ABHD18: variants seen among roughly 807,000 people sequenced by gnomAD.
ABHD18 encodes cardiolipin-specific deacylase, mitochondrial.
Under a neutral mutation model 65.9 loss-of-function variants are expected in ABHD18, and 55 were observed. The observed-to-expected ratio is 0.84, with a 90% confidence interval of 0.67 to 1.05. The LOEUF is 1.05. Among genes scored for constraint, ABHD18 ranks in the 50% least tolerant of loss-of-function variants. The pLI is 0.00. For missense variants in ABHD18, 533 were observed against 558.5 expected, an observed-to-expected ratio of 0.95 and a Z score of 0.46; for synonymous variants, 181 against 180.2, an observed-to-expected ratio of 1.00 and a Z score of -0.04.
intron 7 of ABHD18, among the ~76,000 whole-genome samples, chr4:128,015,879 A>G (rs763550211): frequency 1.3e-5 from 2 of 151,950 alleles, no homozygotes; most frequent in African/African-American, 2.4e-5. Context: ...TGGTCATTTT[A>G]GTAATAATAT....
chr4:127,998,405 A>G (rs963961483), intron 4 of ABHD18, among the ~76,000 whole-genome samples: 1 of 148,598 alleles, frequency 6.7e-6, no homozygotes, highest in Non-Finnish European at 1.5e-5. Flanking sequence ...ACACCCTGCT[A>G]ATTTTTTGTA....
intron 12 of ABHD18, 135 bp from the exon 13 acceptor site, chr4:128,035,627 C>T: frequency 1.8e-6 from 1 of 554,130 alleles, no homozygotes; most frequent in Non-Finnish European, 3.3e-6. Context: ...AGGGTAACTG[C>T]CTATTTCATA....
At chr4:127,976,808 A>C (rs985378482) in intron 1 of ABHD18, among the ~76,000 whole-genome samples, 1 of 152,066 alleles carries the variant, frequency 6.6e-6, no homozygotes, top group Non-Finnish European at 1.5e-5. Context: ...TTGGAAGACC[A>C]AGGCGGGCGG....
At chr4:127,974,857 G>A (rs1192884989) in intron 1 of ABHD18, among the ~76,000 whole-genome samples, 2 of 151,900 alleles carry the variant, frequency 1.3e-5, no homozygotes, top group African/African-American at 2.4e-5. Flanking sequence ...TCAGCTGGGT[G>A]TGGTGGTTGT....
rs768240024 is a variant in ABHD18 at position 127,989,756 on chromosome 4, A to C, written c.213A>C (p.Gly71=). 6.2e-7 allele frequency: 1 copy of C among 1,602,232 alleles called. No homozygotes were observed. Among genetic ancestry groups the C allele is most frequent in the Admixed American group, 1.7e-5 (1 of 58,352 alleles). ...EEQSDCKILD[G]HFVSPMAHYV... Reference sequence around the variant, plus strand: ...AATCAGATTGTAAGATCTTAGATGGACACTTTGTTTCCCCCATGGCTCACT... The same window carrying C: ...AATCAGATTGTAAGATCTTAGATGGCCACTTTGTTTCCCCCATGGCTCACT... Residue 71 remains glycine, a synonymous_variant, in exon 4 of 13, where the codon GGA becomes GGC. Coordinates refer to ENST00000645843, the MANE Select transcript of ABHD18 (RefSeq NM_001358451.3).
intron 7 of ABHD18, among the ~76,000 whole-genome samples, chr4:128,016,959 C>A (rs571326478): frequency 3.3e-5 from 5 of 151,850 alleles, no homozygotes; most frequent in Non-Finnish European, 7.4e-5. Context: ...ATTCTGTTGC[C>A]CAGGCTGGAG....
intron 4 of ABHD18, among the ~76,000 whole-genome samples, chr4:127,996,892 A>T (rs1417245589): frequency 1.3e-5 from 2 of 152,194 alleles, no homozygotes; most frequent in African/African-American, 4.8e-5. Context: ...CCTTATGGTT[A>T]TCTTCCCTTG....
At chr4:128,009,460 T>A (rs565012948) in intron 6 of ABHD18, 1 of 243,358 alleles carries the variant, frequency 4.1e-6, no homozygotes, top group East Asian at 8.6e-5. Context: ...TATTAGTAAG[T>A]CAAATGTTTG....
intron 7 of ABHD18, among the ~76,000 whole-genome samples, chr4:128,016,240 C>T (rs1461982446): frequency 6.6e-6 from 1 of 152,054 alleles, no homozygotes; most frequent in Non-Finnish European, 1.5e-5. Flanking sequence ...GCGTGAGCCA[C>T]TGTGCCCAGC....
rs779395033 is a variant in ABHD18 at position 128,017,444 on chromosome 4, G to C, written c.552G>C (p.Trp184Cys). Residue 184 changes from tryptophan to cysteine, a missense_variant, in exon 8 of 13, where the codon TGG (tryptophan) becomes TGC (cysteine). By Grantham distance (215) the Trp-to-Cys change is radical. This residue lies in a region of ABHD18 where 309 missense variants were observed against 313.5 expected (regional missense o/e 0.99). Transcript: ENST00000645843. ...LVLESAALLH[W>C]LEREGYGPLG... Reference sequence around the variant, plus strand: ...TAGAATCTGCAGCTCTCTTGCACTGGCTAGAGAGGGAAGGTTACGGCCCTT... The same window carrying C: ...TAGAATCTGCAGCTCTCTTGCACTGCCTAGAGAGGGAAGGTTACGGCCCTT... The C allele has an allele frequency of 6.2e-7, 1 of 1,613,612 alleles. No individual in the cohort carries two copies. The highest frequency in any genetic ancestry group is 2.2e-5 in the East Asian group (1 of 44,872).
intron 4 of ABHD18, among the ~76,000 whole-genome samples, chr4:127,996,548 A>G (rs537509308): frequency 3.3e-5 from 5 of 152,328 alleles, no homozygotes; most frequent in South Asian, 2.1e-4. Flanking sequence ...ATGAGGGTCT[A>G]TGTCCCGCTG....
At chr4:127,970,964 AC>A (rs1746656033) in intron 1 of ABHD18, among the ~76,000 whole-genome samples, 1 of 151,912 alleles carries the variant, frequency 6.6e-6, no homozygotes, top group Admixed American at 6.6e-5. Context: ...AATCCCAGCT[AC>A]TTGGAAGGCT....
chr4:128,023,058 C>T (rs568424737), intron 10 of ABHD18, among the ~76,000 whole-genome samples: 53 of 152,120 alleles, frequency 3.5e-4, no homozygotes, highest in African/African-American at 1.2e-3. Flanking sequence ...CATGAGCCAC[C>T]GCGCCCAGCA....
chr4:127,996,511 C>T (rs1248696388), intron 4 of ABHD18, among the ~76,000 whole-genome samples: 1 of 152,136 alleles, frequency 6.6e-6, no homozygotes, highest in Non-Finnish European at 1.5e-5. Flanking sequence ...GTAAAGATCA[C>T]AGGCAAAGGC....
intron 4 of ABHD18, among the ~76,000 whole-genome samples, chr4:128,003,477 G>A (rs1266158935): frequency 1.3e-5 from 2 of 149,846 alleles, no homozygotes; most frequent in Admixed American, 1.3e-4. Flanking sequence ...CTAATAAGAG[G>A]GATAAAATAG....
At chr4:128,003,188 G>A (rs1752980065) in intron 4 of ABHD18, among the ~76,000 whole-genome samples, 1 of 151,716 alleles carries the variant, frequency 6.6e-6, no homozygotes, top group Admixed American at 6.6e-5. Context: ...CCAATATGGT[G>A]AAACCCCATC....
chr4:127,981,530 G>A (rs1749048528), intron 1 of ABHD18, among the ~76,000 whole-genome samples: 2 of 152,020 alleles, frequency 1.3e-5, no homozygotes, highest in South Asian at 4.1e-4. Context: ...AATATAATAA[G>A]CAGTTAATAA....
chr4:128,012,286 CT>C lies in ABHD18; in HGVS notation c.470+591del, dbSNP rs1011586902. Among the ~76,000 whole-genome samples the C allele has an allele frequency of 5.3e-4, 81 of 152,222 alleles. 1 individual carries two copies. Among genetic ancestry groups the C allele is most frequent in the African/African-American group, 1.9e-3 (77 of 41,550 alleles). ...GCCACTGTGCCCAGCCTACCTTTTCCTTTTTAAGGTACATTTACTTTGTGTA... is the reference window on the plus strand; with the variant it reads ...GCCACTGTGCCCAGCCTACCTTTTCCTTTTAAGGTACATTTACTTTGTGTA... On this transcript the variant is annotated intron_variant, in intron 7 of 12. Transcript: ENST00000645843.
intron 6 of ABHD18, 153 bp downstream of exon 6, chr4:128,009,344 GA>G: frequency 2.2e-6 from 1 of 452,676 alleles, no homozygotes; most frequent in East Asian, 3.6e-5. Context: ...CAAAAGGAGT[GA>G]AAGACTATTT....
Sources: allele counts gnomAD v4.1 joint callset (sites outside exome capture counted in the v4.1 genomes callset), GRCh38; gene constraint gnomAD v4.1.1; regional missense constraint gnomAD v4.1.1; transcripts MANE v1.5; gene names NCBI Gene and HGNC (gene_info 2026-07-23, HGNC 2026-07-21).